The following EML3 variants were observed in gnomAD, a reference collection of about 807,000 sequenced individuals.
The protein encoded by EML3 is echinoderm microtubule-associated protein-like 3.
EML3 carries 53 observed loss-of-function variants against 106.7 expected under a neutral mutation model. The ratio of observed to expected loss-of-function variants is 0.50; its 90% confidence interval spans 0.40 to 0.62. The LOEUF (loss-of-function observed/expected upper bound fraction) is 0.62, where lower values mean the gene tolerates loss of function less well. Ranked by LOEUF, EML3 falls within the 20% of genes least tolerant of loss-of-function variation. The probability of loss-of-function intolerance (pLI) is 0.00; values close to 1 mark genes in which losing one functional copy is unlikely to be tolerated. For missense variants in EML3, 994 were observed against 1,209.1 expected, an observed-to-expected ratio of 0.82 and a Z score of 2.64; for synonymous variants, 499 against 489.6, an observed-to-expected ratio of 1.02 and a Z score of -0.25.
intron 16 of EML3, 104 bp from the exon 17 acceptor site, chr11:62,604,305 G>A: frequency 2.5e-6 from 2 of 806,962 alleles, no homozygotes. Flanking sequence ...GCAAATAAGA[G>A]AAGCTCAGAG....
rs368604333 is a variant in EML3, at chr11:62,605,606, G to C, written c.1914+36C>G. 6 of 1,511,406 alleles carry C rather than the reference G, an allele frequency of 4.0e-6. No individual in the cohort carries two copies. Among genetic ancestry groups the C allele is most frequent in the Non-Finnish European group, 5.3e-6 (6 of 1,130,638 alleles). The allele number at this position is 1,511,406 out of a possible 1,614,324, so 93.6% of individuals were successfully genotyped here. A position where few individuals can be genotyped will look rare whatever the true frequency, so the allele number is the denominator to read the frequency against. On this transcript the variant is annotated intron_variant, in intron 15 of 21. Transcript: ENST00000394773. The surrounding 1 kb of genome is among the most constrained non-coding windows in gnomAD (Gnocchi z 5.2). ...GTGGTGGCCACAGGTGTCCTGGTGGGTGTGGCATGGGGGATCCAGGGGCAC... is the reference window on the plus strand; with the variant it reads ...GTGGTGGCCACAGGTGTCCTGGTGGCTGTGGCATGGGGGATCCAGGGGCAC...
At chr11:62,606,891 C>T in intron 12 of EML3, 67 bp downstream of exon 12, 1 of 1,457,788 alleles carries the variant, frequency 6.9e-7, no homozygotes, top group Non-Finnish European at 9.2e-7. Context: ...AATGGGAAAC[C>T]CTCTCCTCTG....
At position 62,612,535 on chromosome 11, in the gene EML3, AG is replaced by A; in HGVS notation, c.-79del. 1 of 1,307,094 alleles carries A rather than the reference AG, an allele frequency of 7.7e-7. No individual in the cohort carries two copies. Among genetic ancestry groups the A allele is most frequent in the East Asian group, 3.2e-5 (1 of 31,432 alleles). 81.0% of individuals were successfully genotyped at this position (1,307,094 alleles called of 1,614,324 possible). On this transcript the variant is annotated 5_prime_UTR_variant, in exon 1 of 22. Coordinates refer to ENST00000394773, the MANE Select transcript of EML3 (RefSeq NM_153265.3). Reference sequence around the variant, plus strand: ...GGGGGCCACGGCCGGGGAGAGGGGAAGGGGAAGCACCCCGGGGCGCGCGCGA... The same window carrying A: ...GGGGGCCACGGCCGGGGAGAGGGGAAGGGAAGCACCCCGGGGCGCGCGCGA...
intron 16 of EML3, chr11:62,604,606 GAC>G: frequency 4.2e-6 from 1 of 237,770 alleles, no homozygotes; most frequent in East Asian, 1.1e-4. Flanking sequence ...TTGAACTCCT[GAC>G]CTCAAGTGAT....
intron 1 of EML3, chr11:62,612,000 G>A (rs1380746794): frequency 2.7e-6 from 1 of 364,458 alleles, no homozygotes; most frequent in African/African-American, 2.1e-5. Flanking sequence ...ACTGAGCCGG[G>A]GGAACACCAG....
intron 4 of EML3, among the ~76,000 whole-genome samples, 153 bp from the exon 5 acceptor site, chr11:62,609,849 G>A (rs545432249): frequency 1.4e-4 from 22 of 152,304 alleles, no homozygotes; most frequent in African/African-American, 5.1e-4. Flanking sequence ...CTAGTAGATG[G>A]AGACTTCTAG....
In EML3 at chr11:62,603,950, G is replaced by A. The variant is rs780785062; in HGVS notation, c.2163C>T (p.Arg721=). 1.2e-6 allele frequency: 2 copies of A among 1,614,002 alleles called. No individual in the cohort carries two copies. The change falls in exon 18 of 22, where the codon CGC becomes CGT. Residue 721 remains arginine (R), a synonymous_variant. Transcript: ENST00000394773. The part of the protein sequence containing the change: ...SDGAKSSRFG[R]CMGHSSFITH... ...CACACCCCAACTTCCTCACCATACA[G>A]CGGCCAAAGCGGCTGGATTTGGCAC... is the stretch of plus-strand genomic sequence containing the variant.
intron 4 of EML3, 35 bp from the exon 5 acceptor site, chr11:62,609,731 C>A: frequency 6.4e-7 from 1 of 1,565,612 alleles, no homozygotes; most frequent in Non-Finnish European, 8.6e-7. Context: ...GGATTGGGGT[C>A]AGGTCCCAAG....
In EML3 at chr11:62,608,770, G is replaced by A. The variant is rs764157169; in HGVS notation, c.965C>T (p.Ser322Leu). The A allele has an allele frequency of 3.1e-6, 5 of 1,588,926 alleles. No individual in the cohort carries two copies. The highest frequency in any genetic ancestry group is 2.2e-5 in the East Asian group (1 of 44,680). Residue 322 changes from serine to leucine, a missense_variant, in exon 8 of 22, where the codon TCG becomes TTG. By Grantham distance (145) the Ser-to-Leu change is moderately radical. Around this residue, in one of 3 missense-constraint regions of EML3, gnomAD observed 713 missense variants for 920.5 expected, o/e 0.77. Transcript: ENST00000394773. ...CTTATCCACTCCAGCTGTCTGTCCC[G>A]AGGCTACCCGAACACCATCAGGGTG... Reference protein sequence around the residue: ...AVHPDGVRVASGQTAGVDKDG... With the variant: ...AVHPDGVRVALGQTAGVDKDG...
Position 62,609,183 on chromosome 11 carries a change from G to A in EML3, c.759-51C>T, listed in dbSNP as rs771226898. 39 of 1,607,114 alleles carry A rather than the reference G, an allele frequency of 2.4e-5. No homozygotes were observed. In the South Asian group the frequency reaches 3.3e-4, roughly 14 times the overall value. On this transcript the variant is annotated intron_variant, in intron 6 of 21. Transcript: ENST00000394773. ...AAGGGTTAGATCAAGGGCAGGAGGA[G>A]GAAGAGGGGAGAAAGACAGAGCTTC...
At chr11:62,603,350 GCATGTGATCTGGTCA>G (rs887917586) in intron 19 of EML3, 103 bp from the exon 20 acceptor site, 12 of 1,086,558 alleles carry the variant, frequency 1.1e-5, no homozygotes, top group Non-Finnish European at 1.7e-5. Context: ...CCCGGCGATG[GCATGTGATCTGGTCA>G]CCGTAGTAGC....
chr11:62,612,048 GACCC>G (rs1942858504), intron 1 of EML3: 1 of 383,236 alleles, frequency 2.6e-6, no homozygotes, highest in African/African-American at 2.1e-5. Context: ...TCATACTGAG[GACCC>G]AGAGTACAAG....
Position 62,611,000 on chromosome 11 carries a change from G to C in EML3, c.453-8C>G, listed in dbSNP as rs764525940. 5.6e-6 allele frequency: 9 copies of C among 1,612,388 alleles called. No homozygotes were observed. Among genetic ancestry groups the C allele is most frequent in the South Asian group, 1.1e-5 (1 of 90,952 alleles). Reference sequence around the variant, plus strand: ...GAAGAATTTCTTCGCGGCCTGGTGGGGGCATAGTGAAGGTCATTCCCTCCA... The same window carrying C: ...GAAGAATTTCTTCGCGGCCTGGTGGCGGCATAGTGAAGGTCATTCCCTCCA... On this transcript the variant is annotated splice_polypyrimidine_tract_variant and splice_region_variant and intron_variant, in intron 3 of 21. Coordinates refer to ENST00000394773, the MANE Select transcript of EML3 (RefSeq NM_153265.3).
chr11:62,612,384 C>T, intron 1 of EML3, 52 bp downstream of exon 1: 1 of 1,490,568 alleles, frequency 6.7e-7, no homozygotes. Context: ...CATAACCCGA[C>T]GAGCCGGGCG....
At chr11:62,607,375 T>A in intron 11 of EML3, 1 of 462,290 alleles carries the variant, frequency 2.2e-6, no homozygotes. Flanking sequence ...TGAAACCGTA[T>A]CTCTATTAAA....
chr11:62,602,617 T>G lies in EML3; in HGVS notation c.2549A>C (p.Asp850Ala). The G allele has an allele frequency of 6.3e-7, 1 of 1,577,780 alleles. No individual in the cohort carries two copies. Among genetic ancestry groups the G allele is most frequent in the Middle Eastern group, 1.7e-4 (1 of 6,014 alleles). ...GCCCAGCGAGACGAGGTGCGAGTCG[T>G]CGTGCGTGAATCGGACGCTGGTCAC... is the stretch of plus-strand genomic sequence containing the variant. ...SHVTSVRFTHDDSHLVSLGGK... is the reference protein window; with the variant it reads ...SHVTSVRFTHADSHLVSLGGK... Residue 850 changes from aspartate (D) to alanine (A), a missense_variant, in exon 22 of 22, where the codon GAC (aspartate) becomes GCC (alanine). Coordinates refer to ENST00000394773, the MANE Select transcript of EML3 (RefSeq NM_153265.3).
intron 1 of EML3, 91 bp downstream of exon 1, chr11:62,612,345 G>T: frequency 7.6e-7 from 1 of 1,312,644 alleles, no homozygotes; most frequent in South Asian, 1.3e-5. Flanking sequence ...AGCACGCGGG[G>T]ACGCCTCCAG....
chr11:62,606,325 A>C (rs1360128228), intron 12 of EML3, 111 bp from the exon 13 acceptor site: 14 of 1,260,058 alleles, frequency 1.1e-5, no homozygotes, highest in Non-Finnish European at 1.5e-5. Flanking sequence ...GCATGCACTG[A>C]CTACTATGTC....
In EML3 at chr11:62,611,589, G is replaced by A. The variant is rs764043932; in HGVS notation, c.30C>T (p.Gly10=). The A allele has an allele frequency of 1.8e-5, 29 of 1,612,774 alleles. No individual in the cohort carries two copies. Among genetic ancestry groups the A allele is most frequent in the Non-Finnish European group, 2.3e-5 (27 of 1,179,660 alleles). MDGAAGPGD[G]PAREALQSLS... ...GAGACTGGAGGGCCTCCCGAGCAGG[G>A]CCGTCACCTGGGAAAAGGGCAAGAG... Residue 10 remains glycine (G), a synonymous_variant, in exon 2 of 22, where the codon GGC becomes GGT. Coordinates refer to ENST00000394773, the MANE Select transcript of EML3 (RefSeq NM_153265.3).
Sources: allele counts gnomAD v4.1 joint callset (sites outside exome capture counted in the v4.1 genomes callset), GRCh38; gene constraint gnomAD v4.1.1; regional missense constraint gnomAD v4.1.1; non-coding constraint Gnocchi (gnomAD v3.1); transcripts MANE v1.5; gene names NCBI Gene and HGNC (gene_info 2026-07-23, HGNC 2026-07-21).